The following ENOX1 variants were observed in gnomAD, a reference collection of about 807,000 sequenced individuals.
ENOX1 encodes the protein ecto-NOX disulfide-thiol exchanger 1, also known as candidate growth-related and time keeping constitutive hydroquinone (NADH) oxidase.
In ENOX1, 42 loss-of-function variants were observed where a neutral mutation model predicts 82.5. The ratio of observed to expected loss-of-function variants is 0.51; its 90% CI spans 0.40 to 0.66. The LOEUF (loss-of-function observed/expected upper bound fraction) is 0.66, where lower values mean the gene tolerates loss of function less well. Ranked by LOEUF, ENOX1 falls within the 30% of genes least tolerant of loss-of-function variation. ENOX1 has a pLI of 0.00. For missense variants in ENOX1, 608 were observed against 811.6 expected, an observed-to-expected ratio of 0.75 and a Z score of 3.05; for synonymous variants, 271 against 282.2, an observed-to-expected ratio of 0.96 and a Z score of 0.40.
At chr13:43,229,977 T>G (rs1030980677) in intron 15 of ENOX1, among the ~76,000 whole-genome samples, 1 of 152,148 alleles carries the variant, frequency 6.6e-6, no homozygotes, top group Non-Finnish European at 1.5e-5. Flanking sequence ...CAGCTGGAGA[T>G]GGTATACATT....
At chr13:43,421,782 C>T (rs552350572) in intron 3 of ENOX1, among the ~76,000 whole-genome samples, 1 of 151,814 alleles carries the variant, frequency 6.6e-6, no homozygotes, top group East Asian at 1.9e-4. Context: ...TCTGTGCATA[C>T]CCTGCAGCTA....
At position 43,277,856 on chromosome 13, in the gene ENOX1, G is replaced by A. The variant is rs73176318; in HGVS notation, c.1447-8279C>T. Among the ~76,000 whole-genome samples, 111 of 152,276 alleles carry A rather than the reference G, an allele frequency of 7.3e-4. 1 individual carries two copies. The highest frequency in any genetic ancestry group is 1.5e-3 in the Non-Finnish European group (101 of 68,028). ...CCATGAAAAATCTCCAAAGGGAGGA[G>A]TGAGTTTTTTTAGGACCTCAGGAGG... On this transcript the variant is annotated intron_variant, in intron 12 of 16. Transcript: ENST00000690772.
intron 1 of ENOX1, among the ~76,000 whole-genome samples, chr13:43,743,527 T>G (rs1423675722): frequency 6.6e-6 from 1 of 152,156 alleles, no homozygotes; most frequent in Non-Finnish European, 1.5e-5. Flanking sequence ...TAAAGCCTCT[T>G]GAGAAGATGG....
At chr13:43,450,786 G>A (rs1210773679) in intron 3 of ENOX1, among the ~76,000 whole-genome samples, 1 of 152,086 alleles carries the variant, frequency 6.6e-6, no homozygotes, top group Non-Finnish European at 1.5e-5. Context: ...GCGAGCTCAT[G>A]GGCAAGATGT....
At chr13:43,757,200 T>C (rs1950704771) in intron 1 of ENOX1, among the ~76,000 whole-genome samples, 1 of 152,182 alleles carries the variant, frequency 6.6e-6, no homozygotes, top group Non-Finnish European at 1.5e-5. Context: ...TGGCCCTCAA[T>C]TCTCTGCTCC....
At chr13:43,508,634 G>A (rs1372177303) in intron 2 of ENOX1, among the ~76,000 whole-genome samples, 2 of 151,924 alleles carry the variant, frequency 1.3e-5, no homozygotes, top group African/African-American at 2.4e-5. Context: ...TAAAATAGGA[G>A]GGTATTTTAG....
At chr13:43,726,644 G>T (rs746435595) in intron 1 of ENOX1, among the ~76,000 whole-genome samples, 1 of 152,026 alleles carries the variant, frequency 6.6e-6, no homozygotes, top group Non-Finnish European at 1.5e-5. Flanking sequence ...AATTGGCCTC[G>T]ATGGGCAACG....
At chr13:43,537,989 C>G (rs901224937) in intron 2 of ENOX1, among the ~76,000 whole-genome samples, 1 of 152,214 alleles carries the variant, frequency 6.6e-6, no homozygotes, top group Non-Finnish European at 1.5e-5. Flanking sequence ...AGTCCTGCCT[C>G]TCAGTGAACT....
At chr13:43,236,772 T>C in intron 14 of ENOX1, 34 bp from the exon 15 acceptor site, 1 of 1,294,848 alleles carries the variant, frequency 7.7e-7, no homozygotes, top group Non-Finnish European at 1.1e-6. Context: ...CATATATGGG[T>C]TTATGTAGAT....
At chr13:43,367,055 C>T (rs763487453) in intron 5 of ENOX1, among the ~76,000 whole-genome samples, 4 of 152,242 alleles carry the variant, frequency 2.6e-5, no homozygotes, top group Middle Eastern at 6.8e-3. Flanking sequence ...ATATGAGTGC[C>T]TACTAGGTGT....
rs568520310 is a variant in ENOX1 at position 43,577,386 on chromosome 13, C to T, written c.-219+90093G>A. ...ACCTCAGGTGATCTGCCTGCCTTAG[C>T]CTCCCAAAGTGCTAGGATTACAGGC... On this transcript the variant is annotated intron_variant, in intron 2 of 16. Coordinates refer to ENST00000690772, the MANE Select transcript of ENOX1 (RefSeq NM_001347969.2). Among the ~76,000 whole-genome samples the T allele has an allele frequency of 3.9e-5, 6 of 152,262 alleles. No homozygotes were observed. In the East Asian group the frequency reaches 7.7e-4, roughly 20 times the overall value.
intron 15 of ENOX1, among the ~76,000 whole-genome samples, chr13:43,231,929 C>CT (rs1267964466): frequency 6.6e-6 from 1 of 151,800 alleles, no homozygotes; most frequent in Non-Finnish European, 1.5e-5. Context: ...GGATCACTTT[C>CT]TTTTTTTTCT....
chr13:43,616,124 AGATATCTATC>A (rs2082420437), intron 2 of ENOX1, among the ~76,000 whole-genome samples: 1 of 84,034 alleles, frequency 1.2e-5, no homozygotes, highest in South Asian at 3.2e-4. Flanking sequence ...ATAGATCTAT[AGATATCTATC>A]TATCTAGATA....
chr13:43,579,288 A>T (rs2080592767), intron 2 of ENOX1, among the ~76,000 whole-genome samples: 1 of 152,198 alleles, frequency 6.6e-6, no homozygotes, highest in Non-Finnish European at 1.5e-5. Context: ...AGTTATCTGT[A>T]CCCAGAGGTG....
At chr13:43,293,888 G>A (rs1292943517) in intron 12 of ENOX1, among the ~76,000 whole-genome samples, 1 of 152,172 alleles carries the variant, frequency 6.6e-6, no homozygotes, top group Non-Finnish European at 1.5e-5. Context: ...TAGTCTAAGT[G>A]GGTGAGATTT....
chr13:43,288,357 A>G (rs568256245), intron 12 of ENOX1, among the ~76,000 whole-genome samples: 1 of 152,274 alleles, frequency 6.6e-6, no homozygotes, highest in South Asian at 2.1e-4. Context: ...ATTCTATTCT[A>G]TCCTATTCAG....
At chr13:43,236,480 T>C (rs544213803) in intron 15 of ENOX1, among the ~76,000 whole-genome samples, 156 bp downstream of exon 15, 1 of 152,370 alleles carries the variant, frequency 6.6e-6, no homozygotes, top group Non-Finnish European at 1.5e-5. Context: ...TGTATGCCAC[T>C]AATTTGAAAT....
At chr13:43,359,772 G>C in intron 7 of ENOX1, 79 bp downstream of exon 7, 1 of 1,353,740 alleles carries the variant, frequency 7.4e-7, no homozygotes, top group Non-Finnish European at 1.0e-6. Flanking sequence ...TTTGCATGAA[G>C]GCCAAAGGGA....
At chr13:43,557,854 AC>A (rs1448558903) in intron 2 of ENOX1, among the ~76,000 whole-genome samples, 1 of 152,172 alleles carries the variant, frequency 6.6e-6, no homozygotes, top group African/African-American at 2.4e-5. Context: ...TACAAAAAAA[AC>A]CTCAATAATG....
Sources: allele counts gnomAD v4.1 joint callset (sites outside exome capture counted in the v4.1 genomes callset), GRCh38; gene constraint gnomAD v4.1.1; transcripts MANE v1.5; gene names NCBI Gene and HGNC (gene_info 2026-07-23, HGNC 2026-07-21).